ZNF365: variants seen among roughly 807,000 people sequenced by gnomAD.
The protein encoded by ZNF365 is zinc finger protein 365.
In ZNF365, 22 loss-of-function variants were observed where a neutral mutation model predicts 35.0. That is an observed-to-expected ratio of 0.63 (90% CI 0.45 to 0.90). The LOEUF is 0.90. Among genes scored for constraint, ZNF365 ranks in the 40% least tolerant of loss-of-function variants. The probability of loss-of-function intolerance (pLI) is 0.00; values close to 1 mark genes in which losing one functional copy is unlikely to be tolerated. For missense variants in ZNF365, 448 were observed against 500.3 expected, an observed-to-expected ratio of 0.90 and a Z score of 1.00; for synonymous variants, 188 against 196.2, an observed-to-expected ratio of 0.96 and a Z score of 0.35.
chr10:62,476,521 C>T lies in ZNF365; in HGVS notation c.982-3355C>T, dbSNP rs140534597. 5.6e-3 allele frequency among the ~76,000 whole-genome samples: 846 copies of T among 152,306 alleles called. 7 individuals carry two copies. Among genetic ancestry groups the T allele is most frequent in the Non-Finnish European group, 8.7e-3 (594 of 68,028 alleles). On this transcript the variant is annotated intron_variant, in intron 4 of 4. Transcript: ENST00000395255. ...TGTACATGTATTGCTCACTACATGACGTCCTAACTAAGGTCATATTTAAGG... is the reference window on the plus strand; with the variant it reads ...TGTACATGTATTGCTCACTACATGATGTCCTAACTAAGGTCATATTTAAGG...
At position 62,388,482 on chromosome 10, in the gene ZNF365, A is replaced by T. The variant is rs1290162608; in HGVS notation, c.830A>T (p.Asn277Ile). The T allele has an allele frequency of 6.2e-7, 1 of 1,614,124 alleles. No individual in the cohort carries two copies. Among genetic ancestry groups the T allele is most frequent in the Non-Finnish European group, 8.5e-7 (1 of 1,180,048 alleles). Reference protein sequence around the residue: ...GKARLQDFIENLLQRVELAEK... With the variant: ...GKARLQDFIEILLQRVELAEK... ...GCCCGGCTCCAGGACTTTATTGAGAATCTGTTACAGCGGGTAGAACTGGCG... is the reference window on the plus strand; with the variant it reads ...GCCCGGCTCCAGGACTTTATTGAGATTCTGTTACAGCGGGTAGAACTGGCG... Residue 277 changes from asparagine to isoleucine, a missense_variant, in exon 3 of 5, where the codon AAT becomes ATT. Physicochemically the swap from Asn to Ile is moderately radical, Grantham distance 149. Around this residue, in one of 3 missense-constraint regions of ZNF365, gnomAD observed 362 missense variants for 375.7 expected, o/e 0.96. Transcript: ENST00000395254.
intron 3 of ZNF365, among the ~76,000 whole-genome samples, chr10:62,441,498 G>T (rs574077528): frequency 6.6e-6 from 1 of 152,196 alleles, no homozygotes; most frequent in South Asian, 2.1e-4. Context: ...AAGTCATACA[G>T]ACCTCAGTCA....
At chr10:62,416,406 C>A (rs79888393) in intron 3 of ZNF365, among the ~76,000 whole-genome samples, 2,453 of 152,210 alleles carry the variant, frequency 0.016, 60 homozygotes, top group East Asian at 0.086. Flanking sequence ...CTGAAGAATG[C>A]TTTTCATGTG....
Position 62,401,211 on chromosome 10 carries a change from G to A in ZNF365, c.*1422G>A, listed in dbSNP as rs1839822608. 4.1e-6 allele frequency: 4 copies of A among 984,274 alleles called. No homozygotes were observed. The highest frequency in any genetic ancestry group is 4.7e-5 in the South Asian group (1 of 21,258). The allele number at this position is 984,274 out of a possible 1,614,324, so 61.0% of individuals were successfully genotyped here. A position where few individuals can be genotyped will look rare whatever the true frequency, so the allele number is the denominator to read the frequency against. On this transcript the variant is annotated 3_prime_UTR_variant, in exon 5 of 5. Coordinates refer to ENST00000395254, the MANE Select transcript of ZNF365 (RefSeq NM_014951.3). ...TTATTTTTAAATACTCATGGAGAAA[G>A]TGTGTGTTTGTGGTGGGTGGTTTTT...
In ZNF365 at chr10:62,452,505, A is replaced by G. The variant is rs76651433; in HGVS notation, c.925-7236A>G. ...AATTTCTTGTTTCTCAAAGTGGAGT[A>G]CACAGCAGTCTCTTGGGGTCCTTGA... On this transcript the variant is annotated intron_variant, in intron 3 of 4. Coordinates refer to the ZNF365 transcript ENST00000395255. 7.9e-3 allele frequency among the ~76,000 whole-genome samples: 1,203 copies of G among 152,374 alleles called. 16 individuals are homozygous for G. Among genetic ancestry groups the G allele is most frequent in the African/African-American group, 0.028 (1,156 of 41,582 alleles).
chr10:62,446,307 A>G (rs1488961742), intron 3 of ZNF365, among the ~76,000 whole-genome samples: 4 of 152,178 alleles, frequency 2.6e-5, no homozygotes, highest in Non-Finnish European at 5.9e-5. Flanking sequence ...TCTGACTTTG[A>G]ACCCGAGTTC....
chr10:62,412,510 G>A (rs1447712181), intron 3 of ZNF365, among the ~76,000 whole-genome samples: 1 of 152,074 alleles, frequency 6.6e-6, no homozygotes, highest in Non-Finnish European at 1.5e-5. Flanking sequence ...TATGTTTGCA[G>A]ATGACATGAT....
chr10:62,455,504 C>A (rs899088471), intron 3 of ZNF365, among the ~76,000 whole-genome samples: 1 of 151,884 alleles, frequency 6.6e-6, no homozygotes, highest in Non-Finnish European at 1.5e-5. Flanking sequence ...ATGAAAGCAT[C>A]TATAATCCCA....
intron 4 of ZNF365, among the ~76,000 whole-genome samples, chr10:62,468,305 G>C (rs982188105): frequency 6.6e-6 from 1 of 152,130 alleles, no homozygotes; most frequent in Non-Finnish European, 1.5e-5. Context: ...ATATATGTAT[G>C]TATGTATTAT....
intron 4 of ZNF365, among the ~76,000 whole-genome samples, chr10:62,475,468 A>G (rs1347283935): frequency 6.6e-6 from 1 of 152,360 alleles, no homozygotes; most frequent in East Asian, 1.9e-4. Flanking sequence ...ACATTTAAAG[A>G]TACTGTATAA....
At chr10:62,402,875 G>A (rs1256056452), downstream of ZNF365, among the ~76,000 whole-genome samples, 1 of 152,192 alleles carries the variant, frequency 6.6e-6, no homozygotes, top group Non-Finnish European at 1.5e-5. Context: ...AGAGAAGTAT[G>A]TGTCTGGTGG....
chr10:62,474,525 G>T (rs879497899), intron 4 of ZNF365, among the ~76,000 whole-genome samples: 13 of 152,170 alleles, frequency 8.5e-5, no homozygotes, highest in Admixed American at 5.9e-4. Flanking sequence ...TTCTGTGAGA[G>T]CCTATTTTTC....
intron 3 of ZNF365, among the ~76,000 whole-genome samples, chr10:62,424,010 G>A (rs994124248): frequency 5.9e-5 from 9 of 152,118 alleles, no homozygotes; most frequent in Non-Finnish European, 1.2e-4. Context: ...AACAAGATAA[G>A]GGCTCGAGGT....
chr10:62,402,283 C>A lies in ZNF365; in HGVS notation c.*2494C>A, dbSNP rs898203633. The stretch of plus-strand genomic sequence containing the variant: ...CTTTTCTTGCTTTTTCCCTTTTTCC[C>A]AAACTAGGTTACAGGTTCTTATCTG... On this transcript the variant is annotated 3_prime_UTR_variant, in exon 5 of 5. Transcript: ENST00000395254. 7 of 985,600 alleles carry A rather than the reference C, an allele frequency of 7.1e-6. No individual in the cohort carries two copies. The highest frequency in any genetic ancestry group is 7.2e-6 in the Non-Finnish European group (6 of 829,890). The allele number at this position is 985,600 out of a possible 1,614,324, so 61.1% of individuals were successfully genotyped here.
In ZNF365 at chr10:62,395,054, T is replaced by C. The variant is rs760830179; in HGVS notation, c.925-3686T>C. Reference sequence around the variant, plus strand: ...TCAGAATCTTCTGCTTATTCTGCAGTGCACTGGGGCAAGAAGCTGTCCTCG... The same window carrying C: ...TCAGAATCTTCTGCTTATTCTGCAGCGCACTGGGGCAAGAAGCTGTCCTCG... On this transcript the variant is annotated intron_variant, in intron 3 of 4. Coordinates refer to ENST00000395254, the MANE Select transcript of ZNF365 (RefSeq NM_014951.3). Among the ~76,000 whole-genome samples the C allele has an allele frequency of 9.2e-5, 14 of 152,256 alleles. 1 individual carries two copies. In the South Asian group the frequency reaches 1.2e-3, roughly 14 times the overall value.
chr10:62,417,859 G>A (rs1159154228), intron 3 of ZNF365, among the ~76,000 whole-genome samples: 1 of 151,658 alleles, frequency 6.6e-6, no homozygotes, highest in Non-Finnish European at 1.5e-5. Flanking sequence ...GAAAGGGAAA[G>A]GGATATATAT....
At chr10:62,436,034 G>GT (rs1840401645) in intron 3 of ZNF365, among the ~76,000 whole-genome samples, 1 of 151,890 alleles carries the variant, frequency 6.6e-6, no homozygotes, top group African/African-American at 2.4e-5. Context: ...ATGGGTATTT[G>GT]GTTTTTTTTG....
Position 62,388,388 on chromosome 10 carries a change from C to A in ZNF365, c.744-8C>A, listed in dbSNP as rs374845612. 19 of 1,613,658 alleles carry A rather than the reference C, an allele frequency of 1.2e-5. No homozygotes were observed. The African/African-American group carries it at 1.9e-4, about 16-fold the overall frequency. ...TCCCTTTTGTGTTCTGACATTTTTGCCTTGCAGAGAAGTTGTCACATTCAA... is the reference window on the plus strand; with the variant it reads ...TCCCTTTTGTGTTCTGACATTTTTGACTTGCAGAGAAGTTGTCACATTCAA... On this transcript the variant is annotated splice_polypyrimidine_tract_variant and splice_region_variant and intron_variant, in intron 2 of 4. Coordinates refer to ENST00000395254, the MANE Select transcript of ZNF365 (RefSeq NM_014951.3).
At chr10:62,457,601 A>G (rs947190228) in intron 3 of ZNF365, among the ~76,000 whole-genome samples, 3 of 152,342 alleles carry the variant, frequency 2.0e-5, no homozygotes, top group Middle Eastern at 6.8e-3. Flanking sequence ...ATAGACTTAC[A>G]GTTTTATTTC....
Sources: allele counts gnomAD v4.1 joint callset (sites outside exome capture counted in the v4.1 genomes callset), GRCh38; gene constraint gnomAD v4.1.1; regional missense constraint gnomAD v4.1.1; transcripts MANE v1.5; gene names NCBI Gene and HGNC (gene_info 2026-07-23, HGNC 2026-07-21).